The following CFDP1 variants were observed in gnomAD, a reference collection of about 807,000 sequenced individuals.
CFDP1 encodes chromatin remodeling protein CFDP1.
In CFDP1, 31 loss-of-function variants were observed where a neutral mutation model predicts 40.1. That is an observed-to-expected ratio of 0.77 (90% CI 0.58 to 1.04). The LOEUF is 1.04. Ranked by LOEUF, CFDP1 falls within the 50% of genes least tolerant of loss-of-function variation. The probability of loss-of-function intolerance (pLI) is 0.00; values close to 1 mark genes in which losing one functional copy is unlikely to be tolerated. For missense variants in CFDP1, 423 were observed against 343.4 expected, an observed-to-expected ratio of 1.23 and a Z score of -1.83; for synonymous variants, 167 against 120.0, an observed-to-expected ratio of 1.39 and a Z score of -2.56.
At chr16:75,311,239 C>T (rs984026433) in intron 5 of CFDP1, among the ~76,000 whole-genome samples, 3 of 152,298 alleles carry the variant, frequency 2.0e-5, no homozygotes, top group Admixed American at 6.5e-5. Flanking sequence ...GTCTTTTCCA[C>T]CTTGCTTGGT....
At chr16:75,316,693 GGC>G (rs1164091707) in intron 5 of CFDP1, among the ~76,000 whole-genome samples, 25 of 151,982 alleles carry the variant, frequency 1.6e-4, no homozygotes, top group African/African-American at 6.0e-4. Flanking sequence ...AAAGAGGCCG[GGC>G]GCGGTGGCTC....
At chr16:75,408,430 T>C (rs2079124155) in intron 4 of CFDP1, among the ~76,000 whole-genome samples, 1 of 151,980 alleles carries the variant, frequency 6.6e-6, no homozygotes, top group African/African-American at 2.4e-5. Context: ...TCAATACAAC[T>C]TAGATTAAGA....
At chr16:75,337,790 C>T (rs755247504) in intron 5 of CFDP1, among the ~76,000 whole-genome samples, 8 of 152,076 alleles carry the variant, frequency 5.3e-5, no homozygotes, top group Non-Finnish European at 8.8e-5. Flanking sequence ...CACCTCCCAC[C>T]GGGCCCCTCC....
Position 75,403,783 on chromosome 16 carries a change from C to T in CFDP1, c.530+8042G>A, listed in dbSNP as rs150296666. Among the ~76,000 whole-genome samples, 548 of 152,294 alleles carry T rather than the reference C, an allele frequency of 3.6e-3. 4 individuals carry two copies. The highest frequency in any genetic ancestry group is 0.012 in the African/African-American group (515 of 41,552). On this transcript the variant is annotated intron_variant, in intron 4 of 6. Transcript: ENST00000283882. ...GTCCCCTACTGGATGTACAACTCAA[C>T]AGCTTCCAGAATAATTTCAGGCAGT...
intron 1 of CFDP1, among the ~76,000 whole-genome samples, chr16:75,428,541 C>A (rs925782451): frequency 6.6e-6 from 1 of 151,820 alleles, no homozygotes; most frequent in Admixed American, 6.6e-5. Context: ...CGCTTGAACC[C>A]GGAAGGCGGA....
chr16:75,359,621 T>G (rs2078669263), intron 5 of CFDP1, among the ~76,000 whole-genome samples: 1 of 152,198 alleles, frequency 6.6e-6, no homozygotes, highest in Non-Finnish European at 1.5e-5. Flanking sequence ...AGTCATGACC[T>G]GTATGCAATT....
At chr16:75,311,888 T>A (rs912361888) in intron 5 of CFDP1, among the ~76,000 whole-genome samples, 1 of 151,666 alleles carries the variant, frequency 6.6e-6, no homozygotes, top group Non-Finnish European at 1.5e-5. Context: ...TATAGGCTCA[T>A]ACAATTGCAT....
intron 4 of CFDP1, among the ~76,000 whole-genome samples, chr16:75,397,965 G>C (rs865946225): frequency 6.6e-6 from 1 of 152,176 alleles, no homozygotes; most frequent in Non-Finnish European, 1.5e-5. Flanking sequence ...TGTTTCTCTT[G>C]CCCCTTGAAT....
At chr16:75,412,020 A>G (rs1267291714) in intron 3 of CFDP1, 68 bp from the exon 4 acceptor site, 7 of 1,393,808 alleles carry the variant, frequency 5.0e-6, no homozygotes, top group Non-Finnish European at 6.7e-6. Flanking sequence ...GATACTTTTT[A>G]TTTTTTTTTC....
intron 5 of CFDP1, among the ~76,000 whole-genome samples, chr16:75,331,458 T>G (rs1268754699): frequency 1.3e-5 from 2 of 152,058 alleles, no homozygotes; most frequent in Admixed American, 1.3e-4. Context: ...TCCCATCAGT[T>G]TTGGCAAATG....
intron 1 of CFDP1, chr16:75,418,869 C>G (rs2650409): frequency 0.19 from 29,241 of 155,040 alleles, 2,966 homozygotes; most frequent in Middle Eastern, 0.23. Flanking sequence ...TGGCTCATGC[C>G]TGTAATCCTA....
chr16:75,303,681 A>T (rs1161435958), intron 6 of CFDP1, among the ~76,000 whole-genome samples: 1 of 152,112 alleles, frequency 6.6e-6, no homozygotes, highest in Non-Finnish European at 1.5e-5. Flanking sequence ...AACTTGAATG[A>T]CTTCGACTTA....
chr16:75,297,929 C>T (rs376051678), intron 6 of CFDP1, among the ~76,000 whole-genome samples: 39 of 152,220 alleles, frequency 2.6e-4, no homozygotes, highest in South Asian at 1.5e-3. Context: ...CAGTACAAGG[C>T]GAGCATCCCA....
At chr16:75,427,124 C>T (rs71386233) in intron 1 of CFDP1, among the ~76,000 whole-genome samples, 1 of 150,914 alleles carries the variant, frequency 6.6e-6, no homozygotes, top group African/African-American at 2.4e-5. Context: ...CTGAAAACAA[C>T]CCAATGTTTT....
chr16:75,347,359 A>AAAAAAAAAAAAAGAAAAAG (rs1555556963), intron 5 of CFDP1, among the ~76,000 whole-genome samples: 1 of 53,668 alleles, frequency 1.9e-5, no homozygotes. Context: ...AAAAAAAAAA[A>AAAAAAAAAAAAAGAAAAAG]AAAAAGAAAA....
intron 4 of CFDP1, among the ~76,000 whole-genome samples, chr16:75,399,477 A>C (rs1394754477): frequency 6.6e-6 from 1 of 152,234 alleles, no homozygotes; most frequent in Non-Finnish European, 1.5e-5. Context: ...TAAATTTAAA[A>C]AGATGAAACT....
At chr16:75,312,944 C>CTGAAGTGACAGTGAAA (rs1311723838) in intron 5 of CFDP1, among the ~76,000 whole-genome samples, 5 of 152,200 alleles carry the variant, frequency 3.3e-5, no homozygotes, top group African/African-American at 4.8e-5. Flanking sequence ...TATAGGGGCT[C>CTGAAGTGACAGTGAAA]TGAAGTGACA....
intron 5 of CFDP1, among the ~76,000 whole-genome samples, chr16:75,376,607 G>A (rs766161573): frequency 6.6e-6 from 1 of 152,166 alleles, no homozygotes; most frequent in Non-Finnish European, 1.5e-5. Context: ...AACTGGAAAG[G>A]GGCATGAGGG....
intron 5 of CFDP1, among the ~76,000 whole-genome samples, chr16:75,309,849 A>T (rs1203411057): frequency 1.3e-5 from 2 of 148,430 alleles, no homozygotes; most frequent in Non-Finnish European, 3.0e-5. Context: ...AAAAAAACCA[A>T]TCCAGTTCCA....
Sources: gnomAD v4.1 joint callset for allele counts (sites outside exome capture counted in the v4.1 genomes callset) on GRCh38, gnomAD v4.1.1 for gene constraint, MANE v1.5 for transcripts, NCBI Gene and HGNC (gene_info 2026-07-23, HGNC 2026-07-21) for gene names.